LRCH1: variants seen among roughly 807,000 people sequenced by gnomAD.
LRCH1 encodes leucine rich repeats and calponin homology domain containing 1, also known as leucine-rich repeat and calponin homology domain-containing protein 1.
In LRCH1, 23 loss-of-function variants were observed where a neutral mutation model predicts 94.9. The ratio of observed to expected loss-of-function variants is 0.24; its 90% CI spans 0.17 to 0.34. The LOEUF (loss-of-function observed/expected upper bound fraction) is 0.34. Among genes scored for constraint, LRCH1 ranks in the 10% least tolerant of loss-of-function variants. The pLI is 1.00. For missense variants in LRCH1, 790 were observed against 945.9 expected (o/e 0.84, Z 2.16); for synonymous variants, 364 against 354.9 (o/e 1.03, Z -0.29).
At chr13:46,740,062 A>G (rs1331943303) in intron 19 of LRCH1, among the ~76,000 whole-genome samples, 1 of 152,242 alleles carries the variant, frequency 6.6e-6, no homozygotes. Context: ...CAGTTTGCAT[A>G]TCAGCCTTCT....
chr13:46,639,791 T>C (rs905334672), intron 1 of LRCH1, among the ~76,000 whole-genome samples: 1 of 152,236 alleles, frequency 6.6e-6, no homozygotes, highest in Non-Finnish European at 1.5e-5. Context: ...TGGGCTCTTC[T>C]GCACCCTTGG....
intron 1 of LRCH1, among the ~76,000 whole-genome samples, chr13:46,613,129 C>T (rs534682736): frequency 1.6e-4 from 24 of 152,146 alleles, no homozygotes; most frequent in African/African-American, 2.2e-4. Context: ...TGGTGGCTCA[C>T]GCCTGTAATC....
At position 46,744,285 on chromosome 13, in the gene LRCH1, A is replaced by G. The variant is rs776794575; in HGVS notation, c.*2437A>G. The G allele has an allele frequency of 2.0e-6, 2 of 978,592 alleles. No individual in the cohort carries two copies. The highest frequency in any genetic ancestry group is 2.4e-6 in the Non-Finnish European group (2 of 829,860). 60.6% of individuals were successfully genotyped at this position (978,592 alleles called of 1,614,324 possible). ...TGTGCTGACCAAATCTCCTCCTCAC[A>G]AGAAAGACCGTTTTTTCAGTACTCC... is the stretch of plus-strand genomic sequence containing the variant. On this transcript the variant is annotated 3_prime_UTR_variant, in exon 20 of 20. Transcript: ENST00000389797.
intron 1 of LRCH1, among the ~76,000 whole-genome samples, chr13:46,612,919 G>T (rs747525180): frequency 1.3e-5 from 2 of 152,176 alleles, no homozygotes; most frequent in Non-Finnish European, 2.9e-5. Flanking sequence ...TGAAGTCACA[G>T]AATGAAATGA....
chr13:46,593,762 C>T (rs2050528049), intron 1 of LRCH1, among the ~76,000 whole-genome samples: 1 of 152,134 alleles, frequency 6.6e-6, no homozygotes, highest in Non-Finnish European at 1.5e-5. Flanking sequence ...TCCAGGGAGA[C>T]TCCCAATCTC....
At chr13:46,716,367 T>TA in intron 16 of LRCH1, among the ~76,000 whole-genome samples, 1 of 152,200 alleles carries the variant, frequency 6.6e-6, no homozygotes. Context: ...ACATAATTAT[T>TA]TAGATCTGCA....
chr13:46,654,999 A>G (rs182348769), intron 2 of LRCH1, among the ~76,000 whole-genome samples: 29 of 152,330 alleles, frequency 1.9e-4, no homozygotes, highest in African/African-American at 6.7e-4. Flanking sequence ...TTAATTTTGT[A>G]TATTCCAAAG....
intron 16 of LRCH1, among the ~76,000 whole-genome samples, chr13:46,720,202 T>C (rs1434620592): frequency 6.6e-6 from 1 of 151,530 alleles, no homozygotes; most frequent in Non-Finnish European, 1.5e-5. Context: ...GCCTGGGCAA[T>C]ATGGCGAAAC....
chr13:46,589,046 A>C (rs1228217807), intron 1 of LRCH1, among the ~76,000 whole-genome samples: 1 of 151,022 alleles, frequency 6.6e-6, no homozygotes, highest in African/African-American at 2.4e-5. Flanking sequence ...CTCTCTCTAT[A>C]TATTTTTTAA....
chr13:46,633,478 G>A (rs1271498084), intron 1 of LRCH1, among the ~76,000 whole-genome samples: 1 of 152,206 alleles, frequency 6.6e-6, no homozygotes, highest in Non-Finnish European at 1.5e-5. Flanking sequence ...TTGGGGCAGA[G>A]TGCCATAGTG....
chr13:46,648,547 T>C (rs1041481090), intron 1 of LRCH1, among the ~76,000 whole-genome samples: 1 of 152,238 alleles, frequency 6.6e-6, no homozygotes, highest in South Asian at 2.1e-4. Context: ...TTTACTGTTT[T>C]CACATTATTT....
chr13:46,559,864 A>G (rs2050110153), intron 1 of LRCH1, among the ~76,000 whole-genome samples: 2 of 152,188 alleles, frequency 1.3e-5, no homozygotes, highest in South Asian at 4.1e-4. Context: ...TCTTGTTTAA[A>G]TTATTGACTG....
In LRCH1 at chr13:46,728,884, A is replaced by G; in HGVS notation, c.1907A>G (p.Asp636Gly). The G allele has an allele frequency of 1.2e-6, 2 of 1,613,030 alleles. No individual in the cohort carries two copies. The highest frequency in any genetic ancestry group is 1.7e-6 in the Non-Finnish European group (2 of 1,179,450). The change falls in exon 18 of 20, where the codon GAC becomes GGC. Residue 636 changes from aspartate to glycine, a missense_variant. Coordinates refer to ENST00000389797, the MANE Select transcript of LRCH1 (RefSeq NM_001164211.2). ...EMRLKVSLHE[D>G]LGAALMDGVV... Reference sequence around the variant, plus strand: ...AGATTGAAGGTCAGTCTACACGAAGACCTGGGGGCAGCCCTCATGGATGGT... The same window carrying G: ...AGATTGAAGGTCAGTCTACACGAAGGCCTGGGGGCAGCCCTCATGGATGGT...
At chr13:46,580,670 T>C (rs1594259240) in intron 1 of LRCH1, among the ~76,000 whole-genome samples, 1 of 152,202 alleles carries the variant, frequency 6.6e-6, no homozygotes, top group Non-Finnish European at 1.5e-5. Flanking sequence ...CTTTTTGCCA[T>C]TCTTGTTCTG....
At chr13:46,581,845 A>G (rs2137941557) in intron 1 of LRCH1, among the ~76,000 whole-genome samples, 1 of 152,304 alleles carries the variant, frequency 6.6e-6, no homozygotes, top group South Asian at 2.1e-4. Flanking sequence ...CCCCCATTCC[A>G]TAATTAATCA....
intron 1 of LRCH1, among the ~76,000 whole-genome samples, chr13:46,645,868 G>T (rs953068156): frequency 6.6e-5 from 10 of 152,090 alleles, no homozygotes; most frequent in African/African-American, 2.4e-4. Flanking sequence ...AATATTCTAC[G>T]CACATGTATT....
In LRCH1 at chr13:46,631,284, A is replaced by T. The variant is rs185565980; in HGVS notation, c.308-18917A>T. The stretch of plus-strand genomic sequence containing the variant: ...TTATTGAGAGTGACTGTCTCTTTAC[A>T]ACAAATCAACTGGTTACAATTTTGA... On this transcript the variant is annotated intron_variant, in intron 1 of 19. Coordinates refer to ENST00000389797, the MANE Select transcript of LRCH1 (RefSeq NM_001164211.2). Among the ~76,000 whole-genome samples the T allele has an allele frequency of 2.2e-4, 33 of 152,314 alleles. No homozygotes were observed. The East Asian group carries it at 6.4e-3, about 29-fold the overall frequency.
Position 46,650,229 on chromosome 13 carries a change from T to G in LRCH1, c.336T>G (p.Val112=), listed in dbSNP as rs914307507. 6.2e-7 allele frequency: 1 copy of G among 1,612,238 alleles called. No individual in the cohort carries two copies. The highest frequency in any genetic ancestry group is 1.3e-5 in the African/African-American group (1 of 74,882). The change falls in exon 2 of 20, where the codon GTT becomes GTG. Residue 112 remains valine (V), a synonymous_variant. Transcript: ENST00000389797. ...ADLSKNRLVE[V]PMELCHFVSL... ...TATCTAAAAACAGACTGGTTGAAGT[T>G]CCAATGGAATTGTGCCATTTTGTAT...
Position 46,695,002 on chromosome 13 carries a change from A to G in LRCH1, c.1230A>G (p.Glu410=). 6.2e-7 allele frequency: 1 copy of G among 1,613,996 alleles called. No homozygotes were observed. ...ATAGAGCAGATGGTCTCCATTCGGA[A>G]TTTATGAACTATAAGGCAAGATTTT... ...FTDRADGLHS[E]FMNYKARAED... Residue 410 remains glutamate (E), a synonymous_variant, in exon 9 of 20, where the codon GAA becomes GAG. Coordinates refer to ENST00000389797, the MANE Select transcript of LRCH1 (RefSeq NM_001164211.2).
Sources: gnomAD v4.1 joint callset for allele counts (sites outside exome capture counted in the v4.1 genomes callset) on GRCh38, gnomAD v4.1.1 for gene constraint, MANE v1.5 for transcripts, NCBI Gene and HGNC (gene_info 2026-07-23, HGNC 2026-07-21) for gene names.